DHX34: variants seen among roughly 807,000 people sequenced by gnomAD.
DHX34 encodes probable ATP-dependent RNA helicase DHX34.
In DHX34, 96 loss-of-function variants were observed where a neutral mutation model predicts 111.1. The ratio of observed to expected loss-of-function variants is 0.86; its 90% CI spans 0.73 to 1.02. The LOEUF is 1.02. Among genes scored for constraint, DHX34 ranks in the 50% least tolerant of loss-of-function variants. DHX34 has a pLI of 0.00. For synonymous variants in DHX34, 688 were observed against 670.4 expected (o/e 1.03, Z -0.41); for missense variants, 1,560 against 1,579.9 (o/e 0.99, Z 0.21).
chr19:47,372,650 G>A, intron 7 of DHX34, 80 bp from the exon 8 acceptor site: 1 of 1,465,904 alleles, frequency 6.8e-7, no homozygotes, highest in Admixed American at 2.5e-5. Flanking sequence ...GCAGGCGGGA[G>A]GGCAGGCTGG....
chr19:47,368,668 AC>A (rs1215373283), intron 7 of DHX34, among the ~76,000 whole-genome samples: 9 of 150,504 alleles, frequency 6.0e-5, no homozygotes, highest in African/African-American at 2.2e-4. Context: ...ACACATACAC[AC>A]ACATATATAT....
chr19:47,376,922 T>C (rs1279906615), intron 12 of DHX34, 178 bp from the exon 13 acceptor site: 2 of 1,536,262 alleles, frequency 1.3e-6, no homozygotes, highest in Admixed American at 2.0e-5. Flanking sequence ...CAGGCATGGC[T>C]GCGTGCTGGG....
chr19:47,355,496 C>G (rs1277463242), intron 3 of DHX34, 146 bp downstream of exon 3: 1 of 1,301,372 alleles, frequency 7.7e-7, no homozygotes, highest in East Asian at 2.5e-5. Flanking sequence ...ATTTTCTGAG[C>G]ATTCATAATC....
In DHX34 at chr19:47,353,616, C is replaced by T. The variant is rs1969360985; in HGVS notation, c.586C>T (p.Pro196Ser). Residue 196 changes from proline to serine, a missense_variant, in exon 2 of 17, where the codon CCC becomes TCC. By Grantham distance (74) the Pro-to-Ser change is moderately conservative. Transcript: ENST00000328771. The surrounding 1 kb of genome is among the most constrained non-coding windows in gnomAD (Gnocchi z 4.6). ...CGGCTGTGGCAAGTCCACTCAGGTGCCCCAGTACCTGCTGGCTGCTGGCTT... is the reference window on the plus strand; with the variant it reads ...CGGCTGTGGCAAGTCCACTCAGGTGTCCCAGTACCTGCTGGCTGCTGGCTT... ...DTGCGKSTQV[P>S]QYLLAAGFSH... 4.3e-6 allele frequency: 7 copies of T among 1,613,222 alleles called. No individual in the cohort carries two copies. Among genetic ancestry groups the T allele is most frequent in the Non-Finnish European group, 5.1e-6 (6 of 1,179,974 alleles).
At position 47,381,336 on chromosome 19, in the gene DHX34, A is replaced by C; in HGVS notation, c.3298+12A>C. On this transcript the variant is annotated intron_variant, in intron 16 of 16. Transcript: ENST00000328771. ...GGATGGGCCCCCAGGTAAGCACAGG[A>C]CTGTGGGGACCCGGCCACCTCTGCC... The C allele has an allele frequency of 6.2e-7, 1 of 1,608,892 alleles. No homozygotes were observed. Among genetic ancestry groups the C allele is most frequent in the Non-Finnish European group, 8.5e-7 (1 of 1,176,708 alleles).
At chr19:47,381,727 C>A in intron 16 of DHX34, 1 of 485,398 alleles carries the variant, frequency 2.1e-6, no homozygotes, top group Non-Finnish European at 2.7e-6. Context: ...CCATCCCCGG[C>A]TGGCTGTGTC....
intron 3 of DHX34, among the ~76,000 whole-genome samples, chr19:47,355,634 G>T (rs1388253863): frequency 1.3e-5 from 2 of 152,032 alleles, no homozygotes; most frequent in African/African-American, 4.8e-5. Flanking sequence ...GGATCACGAG[G>T]TCAGGAGATT....
At chr19:47,377,006 T>C in intron 12 of DHX34, 94 bp from the exon 13 acceptor site, 1 of 1,593,694 alleles carries the variant, frequency 6.3e-7, no homozygotes, top group Non-Finnish European at 8.5e-7. Flanking sequence ...ATACTCTTTC[T>C]ATCGATGTGT....
chr19:47,379,716 C>T lies in DHX34; in HGVS notation c.2713C>T (p.Leu905=), dbSNP rs1306113216. ...TCTGCCCCCTCTCTTTCAGTCCCTCCTGCTTTTTAGCCGGTCTTTGGACAC... is the reference window on the plus strand; with the variant it reads ...TCTGCCCCCTCTCTTTCAGTCCCTCTTGCTTTTTAGCCGGTCTTTGGACAC... ...CVRIPALQSL[L]LFSRSLDTNG... is the part of the protein sequence containing the mutation. Residue 905 remains leucine (L), a synonymous_variant, in exon 14 of 17, where the codon CTG becomes TTG. Transcript: ENST00000328771. 1.9e-6 allele frequency: 3 copies of T among 1,596,348 alleles called. No homozygotes were observed. Among genetic ancestry groups the T allele is most frequent in the East Asian group, 2.3e-5 (1 of 44,390 alleles).
intron 3 of DHX34, 31 bp from the exon 4 acceptor site, chr19:47,357,835 T>C: frequency 1.3e-6 from 2 of 1,597,010 alleles, no homozygotes; most frequent in East Asian, 2.3e-5. Context: ...AGGGACAGGG[T>C]GTGCTTCTAC....
intron 12 of DHX34, 144 bp from the exon 13 acceptor site, chr19:47,376,956 C>T (rs777291697): frequency 4.2e-5 from 64 of 1,542,056 alleles, no homozygotes; most frequent in Non-Finnish European, 5.4e-5. Flanking sequence ...TTTGGCTGAC[C>T]TTCTTGTCTG....
rs1353307094 is a variant in DHX34, at chr19:47,353,253, A to G, written c.223A>G (p.Thr75Ala). The G allele has an allele frequency of 4.3e-6, 7 of 1,614,058 alleles. No homozygotes were observed. The highest frequency in any genetic ancestry group is 5.9e-6 in the Non-Finnish European group (7 of 1,180,004). ...ERLQRFQNLK[T>A]SRKEEKDPGQ... ...CCTGCAGAGATTCCAGAATCTCAAG[A>G]CCTCCAGGAAGGAGGAGAAAGACCC... Residue 75 changes from threonine (T) to alanine (A), a missense_variant, in exon 2 of 17, where the codon ACC becomes GCC. Thr to Ala is a moderately conservative substitution (Grantham distance 58). Transcript: ENST00000328771. The surrounding 1 kb of genome is among the most constrained non-coding windows in gnomAD (Gnocchi z 4.6).
rs1156845977 is a variant in DHX34 at position 47,353,247 on chromosome 19, C to A, written c.217C>A (p.Leu73Ile). The change falls in exon 2 of 17, where the codon CTC (leucine) becomes ATC (isoleucine). Residue 73 changes from leucine to isoleucine, a missense_variant. By Grantham distance (5) the Leu-to-Ile change is conservative (BLOSUM62 2). Transcript: ENST00000328771. This position sits in a 1 kb window ranked among gnomAD's most constrained non-coding sequence, Gnocchi z 4.6. ...TGAACGCCTGCAGAGATTCCAGAATCTCAAGACCTCCAGGAAGGAGGAGAA... is the reference window on the plus strand; with the variant it reads ...TGAACGCCTGCAGAGATTCCAGAATATCAAGACCTCCAGGAAGGAGGAGAA... ...FFERLQRFQN[L>I]KTSRKEEKDP... The A allele has an allele frequency of 1.2e-6, 2 of 1,614,178 alleles. No homozygotes were observed. Among genetic ancestry groups the A allele is most frequent in the Non-Finnish European group, 1.7e-6 (2 of 1,180,030 alleles).
At position 47,372,877 on chromosome 19, in the gene DHX34, A is replaced by G; in HGVS notation, c.1916A>G (p.Gln639Arg). The G allele has an allele frequency of 1.2e-6, 2 of 1,609,958 alleles. No individual in the cohort carries two copies. Among genetic ancestry groups the G allele is most frequent in the Non-Finnish European group, 8.5e-7 (1 of 1,179,592 alleles). The change falls in exon 8 of 17, where the codon CAG (glutamine) becomes CGG (arginine). Residue 639 changes from glutamine to arginine, a missense_variant. By Grantham distance (43) the Gln-to-Arg change is conservative. Coordinates refer to ENST00000328771, the MANE Select transcript of DHX34 (RefSeq NM_014681.6). Reference protein sequence around the residue: ...AAARRPLESDQGDPFTLFNVF... With the variant: ...AAARRPLESDRGDPFTLFNVF... Reference sequence around the variant, plus strand: ...GCACGGCGGCCGCTGGAGAGCGACCAGGGTGACCCCTTCACGCTCTTCAAC... The same window carrying G: ...GCACGGCGGCCGCTGGAGAGCGACCGGGGTGACCCCTTCACGCTCTTCAAC...
At chr19:47,381,730 G>A in intron 16 of DHX34, 1 of 523,534 alleles carries the variant, frequency 1.9e-6, no homozygotes, top group Non-Finnish European at 2.5e-6. Context: ...TCCCCGGCTG[G>A]CTGTGTCTGC....
chr19:47,353,979 T>C lies in DHX34; in HGVS notation c.705+244T>C, dbSNP rs1166404170. On this transcript the variant is annotated intron_variant, in intron 2 of 16. Transcript: ENST00000328771. The surrounding 1 kb of genome is among the most constrained non-coding windows in gnomAD (Gnocchi z 4.6). ...GTCCTAAAGGCTCATCACTTTTTTTTTGAGACGGAGTCTCACTCTGTGGCC... is the reference window on the plus strand; with the variant it reads ...GTCCTAAAGGCTCATCACTTTTTTTCTGAGACGGAGTCTCACTCTGTGGCC... Among the ~76,000 whole-genome samples, 1 of 152,206 alleles carries C rather than the reference T, an allele frequency of 6.6e-6. No individual in the cohort carries two copies. Among genetic ancestry groups the C allele is most frequent in the African/African-American group, 2.4e-5 (1 of 41,458 alleles).
At chr19:47,378,846 T>C (rs1228861024) in intron 13 of DHX34, among the ~76,000 whole-genome samples, 1 of 151,204 alleles carries the variant, frequency 6.6e-6, no homozygotes, top group Non-Finnish European at 1.5e-5. Context: ...CAAAAAATAA[T>C]AAGCCGGGCA....
intron 7 of DHX34, among the ~76,000 whole-genome samples, chr19:47,368,601 C>T (rs961826394): frequency 3.3e-5 from 5 of 150,226 alleles, no homozygotes; most frequent in Admixed American, 6.7e-5. Flanking sequence ...CCACTGCTCC[C>T]GGTCCATTGA....
chr19:47,358,239 G>A (rs1019330545), intron 4 of DHX34, 119 bp downstream of exon 4: 15 of 1,447,652 alleles, frequency 1.0e-5, no homozygotes, highest in East Asian at 2.5e-5. Flanking sequence ...GTGCAAAGTC[G>A]TAGCCACCTA....
Sources: gnomAD v4.1 joint callset for allele counts (sites outside exome capture counted in the v4.1 genomes callset) on GRCh38, gnomAD v4.1.1 for gene constraint, Gnocchi (gnomAD v3.1) non-coding constraint, MANE v1.5 for transcripts, NCBI Gene and HGNC (gene_info 2026-07-23, HGNC 2026-07-21) for gene names.